The following GOLM2 variants were observed in gnomAD, a reference collection of about 807,000 sequenced individuals.
The protein encoded by GOLM2 is protein GOLM2.
Under a neutral mutation model 55.9 loss-of-function variants are expected in GOLM2, and 26 were observed. The observed-to-expected ratio is 0.47, with a 90% CI of 0.34 to 0.65. The LOEUF is 0.65. GOLM2 is among the 30% of genes least tolerant of loss of function. The pLI, the probability that GOLM2 is intolerant of heterozygous loss-of-function variation, is 0.01. For synonymous variants in GOLM2, 165 were observed against 194.6 expected, an observed-to-expected ratio of 0.85 and a Z score of 1.27; for missense variants, 486 against 531.8, an observed-to-expected ratio of 0.91 and a Z score of 0.85.
intron 6 of GOLM2, among the ~76,000 whole-genome samples, chr15:44,345,715 C>T (rs982014844): frequency 1.3e-5 from 2 of 152,042 alleles, no homozygotes; most frequent in Non-Finnish European, 2.9e-5. Flanking sequence ...GTAAAAATTA[C>T]CCCTACTGAC....
At chr15:44,292,485 C>T (rs755331833) in intron 1 of GOLM2, among the ~76,000 whole-genome samples, 8 of 152,136 alleles carry the variant, frequency 5.3e-5, no homozygotes, top group South Asian at 2.1e-4. Flanking sequence ...CGTGAGCCAC[C>T]GCACCCGGCT....
chr15:44,408,818 G>A (rs1486116473), intron 9 of GOLM2, among the ~76,000 whole-genome samples: 2 of 152,082 alleles, frequency 1.3e-5, no homozygotes, highest in African/African-American at 4.8e-5. Flanking sequence ...AAAAAATTCA[G>A]CCCGGAGTGG....
chr15:44,311,289 T>A (rs2078873541), intron 1 of GOLM2, among the ~76,000 whole-genome samples: 1 of 152,112 alleles, frequency 6.6e-6, no homozygotes. Context: ...TTAACAGGTT[T>A]TACTTCCCTA....
At chr15:44,305,884 A>G (rs953879886) in intron 1 of GOLM2, among the ~76,000 whole-genome samples, 1 of 152,182 alleles carries the variant, frequency 6.6e-6, no homozygotes, top group Non-Finnish European at 1.5e-5. Flanking sequence ...TTTTTTAAGT[A>G]GTATATCTCA....
chr15:44,400,895 G>A (rs968300485), intron 8 of GOLM2, among the ~76,000 whole-genome samples: 1 of 151,882 alleles, frequency 6.6e-6, no homozygotes, highest in African/African-American at 2.4e-5. Context: ...TTCTTTAAAA[G>A]CCTCTGTAAG....
chr15:44,379,791 A>C lies in GOLM2; in HGVS notation c.901+3A>C, dbSNP rs541494493. On this transcript the variant is annotated splice_donor_region_variant and intron_variant, in intron 7 of 9. Coordinates refer to ENST00000299957, the MANE Select transcript of GOLM2 (RefSeq NM_138423.4). ...TCTCTCCCCAAATATGCCTCCAGGT[A>C]TGAAGGCTTATGCTTATAATTCCAT... 8 of 1,543,822 alleles carry C rather than the reference A, an allele frequency of 5.2e-6. No homozygotes were observed. In the South Asian group the frequency reaches 6.7e-5, roughly 13 times the overall value.
chr15:44,328,563 C>A, intron 2 of GOLM2, 122 bp from the exon 3 acceptor site: 3 of 565,094 alleles, frequency 5.3e-6, no homozygotes, highest in Non-Finnish European at 9.4e-6. Context: ...ATTTAATTTC[C>A]TGGGAGTATT....
chr15:44,298,019 C>T (rs992399810), intron 1 of GOLM2, among the ~76,000 whole-genome samples: 2 of 151,692 alleles, frequency 1.3e-5, no homozygotes, highest in African/African-American at 4.8e-5. Flanking sequence ...AGGCACGCAC[C>T]ACCAGGCCTG....
chr15:44,403,137 A>G, intron 9 of GOLM2, 83 bp downstream of exon 9: 1 of 1,490,240 alleles, frequency 6.7e-7, no homozygotes, highest in Non-Finnish European at 9.3e-7. Flanking sequence ...AATTTCCCCC[A>G]CTTATTAGTG....
chr15:44,380,832 C>A lies in GOLM2; in HGVS notation c.928C>A (p.Pro310Thr). ...PDSHINHNGN[P>T]GTSKQNPSSP... is the part of the protein sequence containing the mutation. ...TTCACACATAAACCACAATGGAAAC[C>A]CCGGTACTTCAAAACAGAATCCTTC... The change falls in exon 8 of 10, where the codon CCC becomes ACC. Residue 310 changes from proline to threonine, a missense_variant. Pro to Thr is a conservative substitution (Grantham distance 38, BLOSUM62 -1). Transcript: ENST00000299957. 2 of 1,567,248 alleles carry A rather than the reference C, an allele frequency of 1.3e-6. No individual in the cohort carries two copies. The highest frequency in any genetic ancestry group is 1.7e-6 in the Non-Finnish European group (2 of 1,156,800).
chr15:44,398,657 C>CTTTTTTTTT (rs994381104), intron 8 of GOLM2, among the ~76,000 whole-genome samples: 1 of 108,076 alleles, frequency 9.3e-6, no homozygotes, highest in Non-Finnish European at 1.9e-5. Flanking sequence ...ATATAGGAGC[C>CTTTTTTTTT]TTTTTTTTTT....
intron 6 of GOLM2, among the ~76,000 whole-genome samples, chr15:44,351,569 T>C (rs1595642019): frequency 9.0e-6 from 1 of 111,334 alleles, no homozygotes; most frequent in African/African-American, 3.7e-5. Flanking sequence ...AAAGCAAGAC[T>C]CTGTCTCAAA....
At chr15:44,373,929 T>A (rs1241312473) in intron 6 of GOLM2, among the ~76,000 whole-genome samples, 4 of 151,882 alleles carry the variant, frequency 2.6e-5, no homozygotes, top group Admixed American at 2.6e-4. Context: ...GGTGAAACCC[T>A]GTTTCTACTA....
chr15:44,334,435 G>A (rs2079043017), intron 4 of GOLM2, among the ~76,000 whole-genome samples: 1 of 152,166 alleles, frequency 6.6e-6, no homozygotes, highest in Non-Finnish European at 1.5e-5. Flanking sequence ...CCAGCCACAT[G>A]TCTATCATAG....
chr15:44,342,595 A>G (rs986376036), intron 6 of GOLM2, among the ~76,000 whole-genome samples: 1 of 152,140 alleles, frequency 6.6e-6, no homozygotes, highest in African/African-American at 2.4e-5. Flanking sequence ...TCTTTAAACT[A>G]TTGGTGCTTT....
intron 6 of GOLM2, among the ~76,000 whole-genome samples, chr15:44,373,799 A>G (rs1191607251): frequency 2.0e-5 from 3 of 151,834 alleles, no homozygotes; most frequent in Non-Finnish European, 4.4e-5. Flanking sequence ...CATATAGTAG[A>G]TACTAAATAT....
intron 6 of GOLM2, among the ~76,000 whole-genome samples, chr15:44,375,558 C>T (rs2079358995): frequency 6.6e-6 from 1 of 152,076 alleles, no homozygotes; most frequent in African/African-American, 2.4e-5. Context: ...AGGAAGATGG[C>T]TGGAGCCTGG....
intron 1 of GOLM2, among the ~76,000 whole-genome samples, chr15:44,304,998 G>A (rs1048414635): frequency 3.9e-5 from 6 of 151,936 alleles, no homozygotes; most frequent in Non-Finnish European, 7.4e-5. Flanking sequence ...CTTCTTCTAT[G>A]AATCACAAAT....
intron 9 of GOLM2, 88 bp from the exon 10 acceptor site, chr15:44,413,248 C>A: frequency 1.1e-6 from 1 of 924,446 alleles, no homozygotes. Flanking sequence ...AGGAAACTAC[C>A]TTAAGGCTAT....
Sources: allele counts gnomAD v4.1 joint callset (sites outside exome capture counted in the v4.1 genomes callset), GRCh38; gene constraint gnomAD v4.1.1; transcripts MANE v1.5; gene names NCBI Gene and HGNC (gene_info 2026-07-23, HGNC 2026-07-21).